NEXN: variants seen among roughly 807,000 people sequenced by gnomAD.
NEXN encodes the protein nexilin.
NEXN carries 65 observed loss-of-function variants against 92.6 expected under a neutral mutation model. That is an observed-to-expected ratio of 0.70 (90% CI 0.57 to 0.86). The LOEUF (loss-of-function observed/expected upper bound fraction) is 0.86. NEXN is among the 40% of genes least tolerant of loss of function. NEXN has a pLI of 0.00. For missense variants in NEXN, 778 were observed against 771.1 expected, an observed-to-expected ratio of 1.01 and a Z score of -0.11; for synonymous variants, 254 against 242.5, an observed-to-expected ratio of 1.05 and a Z score of -0.44.
Position 77,933,481 on chromosome 1 carries a change from T to G in NEXN, c.1251+2T>G. 6.3e-7 allele frequency: 1 copy of G among 1,579,620 alleles called. No homozygotes were observed. The highest frequency in any genetic ancestry group is 1.1e-5 in the South Asian group (1 of 89,924). ...CAACTGAGACAGGAAATGGGAGAGG[T>G]AAGATTTTAAGAAATATCTATATTC... On this transcript the variant is annotated splice_donor_variant, in intron 10 of 12. Coordinates refer to ENST00000334785, the MANE Select transcript of NEXN (RefSeq NM_144573.4). LOFTEE classifies it high-confidence loss of function.
intron 10 of NEXN, 117 bp downstream of exon 10, chr1:77,933,596 AT>A (rs1353994264): frequency 1.2e-6 from 1 of 826,656 alleles, no homozygotes; most frequent in Non-Finnish European, 2.0e-6. Flanking sequence ...ACATAGTATT[AT>A]GAGGTGCTTA....
chr1:77,908,870 CTAAGCAGT>C (rs1288964765), intron 1 of NEXN, among the ~76,000 whole-genome samples: 1 of 152,106 alleles, frequency 6.6e-6, no homozygotes, highest in Non-Finnish European at 1.5e-5. Flanking sequence ...CTAATCCTAA[CTAAGCAGT>C]TAACAGATTT....
chr1:77,937,417 G>A lies in NEXN; in HGVS notation c.1473+1373G>A, dbSNP rs1310384079. Among the ~76,000 whole-genome samples the A allele has an allele frequency of 4.6e-5, 7 of 151,654 alleles. No homozygotes were observed. The South Asian group carries it at 8.4e-4, about 18-fold the overall frequency. On this transcript the variant is annotated intron_variant, in intron 11 of 12. Transcript: ENST00000334785. ...AAAAAAATTATTTGAGGCCAGGCAC[G>A]GTGGCTCACGCCTGTAATCCCAAGC...
At chr1:77,923,078 C>G (rs972157267) in intron 5 of NEXN, among the ~76,000 whole-genome samples, 4 of 146,584 alleles carry the variant, frequency 2.7e-5, no homozygotes, top group Non-Finnish European at 6.0e-5. Context: ...ACTGCAACCT[C>G]CACCTCCCAG....
intron 9 of NEXN, 48 bp downstream of exon 9, chr1:77,929,552 AAT>A: frequency 1.2e-6 from 2 of 1,606,758 alleles, no homozygotes; most frequent in Non-Finnish European, 1.7e-6. Context: ...CACCTTTGAG[AAT>A]ATGTTAATAG....
rs758529653 is a variant in NEXN at position 77,942,661 on chromosome 1, A to G, written c.1860A>G (p.Glu620=). The G allele has an allele frequency of 1.2e-6, 2 of 1,613,774 alleles. No homozygotes were observed. The highest frequency in any genetic ancestry group is 2.2e-5 in the South Asian group (2 of 91,068). The change falls in exon 13 of 13, where the codon GAA becomes GAG. Residue 620 remains glutamate (E), a synonymous_variant. Transcript: ENST00000334785. ...AAATTACATGGTGGTTTGAAGGAGA[A>G]ATACTGCAGGATGGAGAAGACTATC... is the stretch of plus-strand genomic sequence containing the variant. The part of the protein sequence containing the change: ...KPEITWWFEG[E]ILQDGEDYQY...
At chr1:77,896,048 G>A (rs1647234990) in intron 1 of NEXN, among the ~76,000 whole-genome samples, 1 of 152,004 alleles carries the variant, frequency 6.6e-6, no homozygotes, top group African/African-American at 2.4e-5. Flanking sequence ...GCATGTGCCT[G>A]TAATCCCAGC....
Position 77,918,824 on chromosome 1 carries a change from T to C in NEXN, c.447+551T>C, listed in dbSNP as rs547013221. ...TACAATCTTACCGCTCTATCCACAT[T>C]CCTCACCCCGTCTACATTCCTTATT... On this transcript the variant is annotated intron_variant, in intron 5 of 12. Transcript: ENST00000334785. 3.7e-4 allele frequency among the ~76,000 whole-genome samples: 57 copies of C among 152,286 alleles called. 1 individual carries two copies. The highest frequency in any genetic ancestry group is 1.2e-3 in the African/African-American group (50 of 41,552).
intron 1 of NEXN, among the ~76,000 whole-genome samples, chr1:77,897,026 C>T (rs1183228245): frequency 6.6e-6 from 1 of 152,124 alleles, no homozygotes; most frequent in Non-Finnish European, 1.5e-5. Flanking sequence ...CAATAGCTTA[C>T]CAACCAAAAA....
At chr1:77,941,912 T>C (rs1651349455) in intron 11 of NEXN, 111 bp from the exon 12 acceptor site, 1 of 1,060,002 alleles carries the variant, frequency 9.4e-7, no homozygotes, top group African/African-American at 1.6e-5. Context: ...AGCAAAAATA[T>C]GCATTATAAA....
intron 8 of NEXN, among the ~76,000 whole-genome samples, chr1:77,927,337 A>T (rs1179275668): frequency 6.6e-6 from 1 of 152,166 alleles, no homozygotes; most frequent in Non-Finnish European, 1.5e-5. Context: ...TATGCTTTAA[A>T]TTTTTATTTT....
chr1:77,919,196 T>C (rs1649224137), intron 5 of NEXN, among the ~76,000 whole-genome samples: 1 of 152,030 alleles, frequency 6.6e-6, no homozygotes, highest in Non-Finnish European at 1.5e-5. Flanking sequence ...GAGAACAGGA[T>C]GGGGGAAACC....
intron 1 of NEXN, among the ~76,000 whole-genome samples, chr1:77,898,823 C>G (rs1256190439): frequency 6.6e-6 from 1 of 152,090 alleles, no homozygotes; most frequent in Non-Finnish European, 1.5e-5. Flanking sequence ...AAGAAAAAAA[C>G]AACCCCATCA....
intron 1 of NEXN, among the ~76,000 whole-genome samples, chr1:77,892,329 C>A (rs1647128137): frequency 1.3e-5 from 2 of 151,916 alleles, no homozygotes; most frequent in South Asian, 4.2e-4. Flanking sequence ...AAATAGTGTA[C>A]ATTGTACCCA....
chr1:77,916,214 G>A, intron 2 of NEXN, 81 bp downstream of exon 2: 1 of 1,100,902 alleles, frequency 9.1e-7, no homozygotes, highest in African/African-American at 1.6e-5. Context: ...CAGTCATTTG[G>A]TGGAAAGGTC....
At chr1:77,915,177 G>A (rs1371376548) in intron 1 of NEXN, among the ~76,000 whole-genome samples, 11 of 152,082 alleles carry the variant, frequency 7.2e-5, no homozygotes, top group African/African-American at 1.7e-4. Flanking sequence ...GCTGGGCATA[G>A]TGCTGCATGC....
intron 1 of NEXN, among the ~76,000 whole-genome samples, chr1:77,904,841 G>A (rs748983506): frequency 8.5e-5 from 13 of 152,166 alleles, no homozygotes; most frequent in Non-Finnish European, 1.6e-4. Context: ...TTAAAAATCC[G>A]GTTCCAAGGC....
intron 7 of NEXN, 35 bp downstream of exon 7, chr1:77,926,646 A>T (rs377604973): frequency 6.2e-6 from 10 of 1,613,938 alleles, no homozygotes; most frequent in African/African-American, 1.3e-5. Flanking sequence ...TAAGAAACAA[A>T]TCAAGGCAGT....
rs376549836 is a variant in NEXN, at chr1:77,943,175, A to G, written c.*346A>G. ...GGAATTACTCAATTATTCTATCAGA[A>G]CCTATTATAAAGACTGTATTTCCCA... On this transcript the variant is annotated 3_prime_UTR_variant, in exon 13 of 13. Transcript: ENST00000334785. 10 of 325,000 alleles carry G rather than the reference A, an allele frequency of 3.1e-5. No individual in the cohort carries two copies. Among genetic ancestry groups the G allele is most frequent in the African/African-American group, 2.2e-4 (10 of 46,452 alleles). The allele number at this position is 325,000 out of a possible 1,614,324, so 20.1% of individuals were successfully genotyped here.
Sources: gnomAD v4.1 joint callset for allele counts (sites outside exome capture counted in the v4.1 genomes callset) on GRCh38, gnomAD v4.1.1 for gene constraint, MANE v1.5 for transcripts, NCBI Gene and HGNC (gene_info 2026-07-23, HGNC 2026-07-21) for gene names.